Variants in ZNF880 observed in about 807,000 individuals in gnomAD.
The protein encoded by ZNF880 is zinc finger protein 880, also known as zinc finger protein LOC400713.
ZNF880 carries 12 observed loss-of-function variants against 11.8 expected under a neutral mutation model. The ratio of observed to expected loss-of-function variants is 1.02; its 90% confidence interval spans 0.65 to 1.65. The LOEUF (loss-of-function observed/expected upper bound fraction) is 1.65. ZNF880 is among the 40% of genes most tolerant of loss of function. The pLI, the probability that ZNF880 is intolerant of heterozygous loss-of-function variation, is 0.00. For synonymous variants in ZNF880, 210 were observed against 232.4 expected (o/e 0.90, Z 0.88); for missense variants, 601 against 673.9 (o/e 0.89, Z 1.20).
At chr19:52,369,806 C>T (rs185457974), upstream of ZNF880, 845 of 802,872 alleles carry the variant, frequency 1.1e-3, 4 homozygotes, top group Middle Eastern at 2.3e-4. Flanking sequence ...TTCTTCCAGT[C>T]TCCACGGCAG....
chr19:52,373,926 C>T (rs1986473662), intron 2 of ZNF880, among the ~76,000 whole-genome samples: 1 of 151,878 alleles, frequency 6.6e-6, no homozygotes, highest in Non-Finnish European at 1.5e-5. Flanking sequence ...ACCTCGGCCT[C>T]CCAAAGTGCT....
At chr19:52,392,758 G>T in the ZNF880 span, 1 of 228,400 alleles carries the variant, frequency 4.4e-6, no homozygotes, top group South Asian at 8.6e-5. Context: ...AAATCCAGAT[G>T]GGAGGGAATG....
rs750250023 is a variant in ZNF880, at chr19:52,385,167, C to T, written c.1587C>T (p.Phe529=). ...SYKCNECGKV[F]SHKLYLKKHE... ...AATGCAATGAATGTGGCAAGGTCTT[C>T]AGCCACAAGTTATACCTAAAAAAAC... Residue 529 remains phenylalanine (F), a synonymous_variant, in exon 4 of 4, where the codon TTC becomes TTT. Coordinates refer to ENST00000422689, the MANE Select transcript of ZNF880 (RefSeq NM_001145434.2). 6.4e-7 allele frequency: 1 copy of T among 1,554,756 alleles called. No individual in the cohort carries two copies. Among genetic ancestry groups the T allele is most frequent in the Non-Finnish European group, 8.7e-7 (1 of 1,148,868 alleles).
chr19:52,386,260 GGAA>G (rs1986885739), downstream of ZNF880, among the ~76,000 whole-genome samples: 2 of 143,212 alleles, frequency 1.4e-5, no homozygotes, highest in South Asian at 2.2e-4. Flanking sequence ...AGTTTGCCGA[GGAA>G]GAAGGACACT....
Position 52,374,096 on chromosome 19 carries a change from C to T in ZNF880, c.140-203C>T, listed in dbSNP as rs370213999. On this transcript the variant is annotated intron_variant, in intron 2 of 3. Transcript: ENST00000422689. ...TTATTATTTTTTTGAGACAGAGTCTCGCTCTGTCGCCCAGGCTGGAGTGCA... is the reference window on the plus strand; with the variant it reads ...TTATTATTTTTTTGAGACAGAGTCTTGCTCTGTCGCCCAGGCTGGAGTGCA... 1.3e-4 allele frequency among the ~76,000 whole-genome samples: 19 copies of T among 151,316 alleles called. No individual in the cohort carries two copies. The East Asian group carries it at 2.6e-3, about 20-fold the overall frequency.
chr19:52,383,853 C>A lies in ZNF880; in HGVS notation c.273C>A (p.Ser91Arg). Residue 91 changes from serine (S) to arginine (R), a missense_variant, in exon 4 of 4, where the codon AGC (serine) becomes AGA (arginine). Transcript: ENST00000422689. Reference sequence around the variant, plus strand: ...ACTTTTTTCTTTCTTTTTTAGAGAGCAGCTCTAAATTGGGAAGCAATGCCG... The same window carrying A: ...ACTTTTTTCTTTCTTTTTTAGAGAGAAGCTCTAAATTGGGAAGCAATGCCG... ...RECIKGVNAE[S>R]SSKLGSNAGN... The A allele has an allele frequency of 6.5e-7, 1 of 1,532,436 alleles. No individual in the cohort carries two copies. Among genetic ancestry groups the A allele is most frequent in the Admixed American group, 2.2e-5 (1 of 44,986 alleles). The allele number at this position is 1,532,436 out of a possible 1,614,324, so 94.9% of individuals were successfully genotyped here. A position where few individuals can be genotyped will look rare whatever the true frequency, so the allele number is the denominator to read the frequency against.
chr19:52,393,806 T>C, the ZNF880 span, among the ~76,000 whole-genome samples: 1 of 152,010 alleles, frequency 6.6e-6, no homozygotes, highest in South Asian at 2.1e-4. Flanking sequence ...ATGAATGTTT[T>C]GTTTCACATG....
At chr19:52,393,938 G>A in the ZNF880 span, among the ~76,000 whole-genome samples, 169 of 144,466 alleles carry the variant, frequency 1.2e-3, 1 homozygote, top group Admixed American at 1.3e-3. Context: ...CTGAGTTCAC[G>A]CCATTCTCCT....
At position 52,384,310 on chromosome 19, in the gene ZNF880, G is replaced by T. The variant is rs745758226; in HGVS notation, c.730G>T (p.Glu244Ter). Residue 244 changes from glutamate (E) to a stop codon, truncating the protein, a stop_gained, in exon 4 of 4, where the codon GAA becomes TAA. Transcript: ENST00000422689. LOFTEE classifies it low-confidence loss of function (END_TRUNC). ...HTGEKPYKCH[E>*]CGKLFNRISL... The stretch of plus-strand genomic sequence containing the variant: ...TGGAGAGAAGCCTTACAAGTGTCAT[G>T]AATGTGGCAAGCTCTTCAATCGAAT... 3 of 1,613,876 alleles carry T rather than the reference G, an allele frequency of 1.9e-6. No individual in the cohort carries two copies. Among genetic ancestry groups the T allele is most frequent in the East Asian group, 4.5e-5 (2 of 44,856 alleles).
chr19:52,377,002 A>G lies in ZNF880; in HGVS notation c.268+2575A>G, dbSNP rs116669467. Among the ~76,000 whole-genome samples, 640 of 152,228 alleles carry G rather than the reference A, an allele frequency of 4.2e-3. 6 individuals carry two copies. The highest frequency in any genetic ancestry group is 0.015 in the African/African-American group (604 of 41,538). On this transcript the variant is annotated intron_variant, in intron 3 of 3. Coordinates refer to ENST00000422689, the MANE Select transcript of ZNF880 (RefSeq NM_001145434.2). ...AGGCAAAGTCTTTATCATGATGGAC[A>G]ACACCCTGTCATATGGCTTATGAGA...
At chr19:52,366,983 A>G (rs1251106723), upstream of ZNF880, 1 of 495,340 alleles carries the variant, frequency 2.0e-6, no homozygotes, top group South Asian at 4.4e-5. Context: ...ATCAGAATAG[A>G]GCATTTAATG....
intron 3 of ZNF880, among the ~76,000 whole-genome samples, chr19:52,380,302 G>GT (rs150901227): frequency 0.35 from 52,774 of 148,678 alleles, 9,506 homozygotes; most frequent in South Asian, 0.5. Flanking sequence ...TGTCTTTTGG[G>GT]TTTTTTTTTT....
chr19:52,367,641 T>C (rs762894506), upstream of ZNF880: 4 of 152,164 alleles, frequency 2.6e-5, no homozygotes, highest in Non-Finnish European at 5.9e-5. Context: ...GTTGAGTAAT[T>C]ACACTTAGTA....
Position 52,373,215 on chromosome 19 carries a change from C to T in ZNF880, c.117C>T (p.Asn39=), listed in dbSNP as rs770472598. Reference sequence around the variant, plus strand: ...TATACAGGGAAGTGATGGTGGAGAACTACAGGAACCTGGTCTTTCTGGGTG... The same window carrying T: ...TATACAGGGAAGTGATGGTGGAGAATTACAGGAACCTGGTCTTTCTGGGTG... ...RTLYREVMVE[N]YRNLVFLGIC... Residue 39 remains asparagine, a synonymous_variant, in exon 2 of 4, where the codon AAC becomes AAT. Coordinates refer to ENST00000422689, the MANE Select transcript of ZNF880 (RefSeq NM_001145434.2). 2 of 1,612,918 alleles carry T rather than the reference C, an allele frequency of 1.2e-6. No individual in the cohort carries two copies. The highest frequency in any genetic ancestry group is 1.7e-6 in the Non-Finnish European group (2 of 1,179,332).
At chr19:52,391,420 A>G in the ZNF880 span, 1 of 152,082 alleles carries the variant, frequency 6.6e-6, no homozygotes, top group African/African-American at 2.4e-5. Context: ...GAAGTGAGAA[A>G]GGAGCAGAAC....
At chr19:52,373,384 T>A (rs1221477966) in intron 2 of ZNF880, 147 bp downstream of exon 2, 13 of 725,496 alleles carry the variant, frequency 1.8e-5, no homozygotes, top group Non-Finnish European at 2.8e-5. Context: ...TCCATAATGC[T>A]TTATAATGCT....
intron 3 of ZNF880, among the ~76,000 whole-genome samples, chr19:52,382,704 C>G (rs1986739514): frequency 6.6e-6 from 1 of 152,112 alleles, no homozygotes; most frequent in South Asian, 2.1e-4. Flanking sequence ...GCTATCAAGA[C>G]TGTTTCTTTG....
chr19:52,374,100 C>CT (rs1232880979), intron 2 of ZNF880, among the ~76,000 whole-genome samples, 199 bp from the exon 3 acceptor site: 6 of 150,326 alleles, frequency 4.0e-5, no homozygotes, highest in African/African-American at 1.2e-4. Flanking sequence ...GAGTCTCGCT[C>CT]TGTCGCCCAG....
chr19:52,369,111 CCAA>C (rs536220845), upstream of ZNF880, among the ~76,000 whole-genome samples: 145 of 149,314 alleles, frequency 9.7e-4, no homozygotes, highest in African/African-American at 3.3e-3. Context: ...GCCTGTAATC[CCAA>C]CATTTTGGGA....
Sources: allele counts gnomAD v4.1 joint callset (sites outside exome capture counted in the v4.1 genomes callset), GRCh38; gene constraint gnomAD v4.1.1; transcripts MANE v1.5; gene names NCBI Gene and HGNC (gene_info 2026-07-23, HGNC 2026-07-21).